ANKRD30A: variants seen among roughly 807,000 people sequenced by gnomAD.
The protein encoded by ANKRD30A is ankyrin repeat domain-containing protein 30A.
Under a neutral mutation model 166.3 loss-of-function variants are expected in ANKRD30A, and 170 were observed. The ratio of observed to expected loss-of-function variants is 1.02; its 90% CI spans 0.90 to 1.16. ANKRD30A has a LOEUF of 1.16. ANKRD30A is among the 50% of genes most tolerant of loss of function. The probability of loss-of-function intolerance (pLI) is 0.00; values close to 1 mark genes in which losing one functional copy is unlikely to be tolerated. For missense variants in ANKRD30A, 1,630 were observed against 1,518.0 expected (o/e 1.07, Z -1.23); for synonymous variants, 564 against 508.9 (o/e 1.11, Z -1.46).
At chr10:37,132,211 G>T (rs1302527449) in intron 3 of ANKRD30A, 29 bp from the exon 4 acceptor site, 6 of 1,451,096 alleles carry the variant, frequency 4.1e-6, no homozygotes, top group Non-Finnish European at 5.7e-6. Flanking sequence ...GTAATTTCAT[G>T]AATTATAAAT....
At chr10:37,222,198 G>T (rs941507777) in intron 34 of ANKRD30A, among the ~76,000 whole-genome samples, 2 of 151,144 alleles carry the variant, frequency 1.3e-5, no homozygotes, top group African/African-American at 4.8e-5. Context: ...GTCATTTTCA[G>T]AACATTTTCA....
At chr10:37,264,336 T>C in the ANKRD30A span, among the ~76,000 whole-genome samples, 1 of 152,184 alleles carries the variant, frequency 6.6e-6, no homozygotes, top group East Asian at 1.9e-4. Flanking sequence ...GGGACACTCA[T>C]TACTTGAAGT....
chr10:37,144,211 A>G (rs1588775883), intron 7 of ANKRD30A, among the ~76,000 whole-genome samples: 1 of 152,240 alleles, frequency 6.6e-6, no homozygotes, highest in East Asian at 1.9e-4. Flanking sequence ...TATTTCTGTT[A>G]TATATTTGTT....
Position 37,219,426 on chromosome 10 carries a change from T to C in ANKRD30A, c.3714T>C (p.Asp1238=), listed in dbSNP as rs878948199. ...DACLQRKMNV[D]VSSTIYNNEV... is the part of the protein sequence containing the mutation. The stretch of plus-strand genomic sequence containing the variant: ...GTTTGCAAAGAAAAATGAATGTTGA[T>C]GTGAGTAGTACGATATATAACAATG... Residue 1238 remains aspartate (D), a synonymous_variant, in exon 34 of 36, where the codon GAT becomes GAC. Transcript: ENST00000361713. The C allele has an allele frequency of 1.9e-6, 3 of 1,610,508 alleles. No homozygotes were observed. Among genetic ancestry groups the C allele is most frequent in the Non-Finnish European group, 2.5e-6 (3 of 1,177,740 alleles).
At position 37,142,226 on chromosome 10, in the gene ANKRD30A, A is replaced by G. The variant is rs765335756; in HGVS notation, c.1329A>G (p.Glu443=). 1 of 1,608,406 alleles carries G rather than the reference A, an allele frequency of 6.2e-7. No homozygotes were observed. The highest frequency in any genetic ancestry group is 1.7e-5 in the Admixed American group (1 of 58,596). ...CATCTAATAAAACTAAAGTTTTGGAAAAAGGAAGATCTAAGATGATTGCAT... is the reference window on the plus strand; with the variant it reads ...CATCTAATAAAACTAAAGTTTTGGAGAAAGGAAGATCTAAGATGATTGCAT... ...RVTSNKTKVL[E]KGRSKMIACP... The change falls in exon 7 of 36, where the codon GAA becomes GAG. Residue 443 remains glutamate (E), a synonymous_variant. Transcript: ENST00000361713.
At chr10:37,217,079 GT>G (rs1842641061) in intron 32 of ANKRD30A, among the ~76,000 whole-genome samples, 1 of 150,694 alleles carries the variant, frequency 6.6e-6, no homozygotes, top group Non-Finnish European at 1.5e-5. Flanking sequence ...ATTCTGTCTT[GT>G]TCTAAAAGAG....
intron 4 of ANKRD30A, 37 bp downstream of exon 4, chr10:37,132,383 T>C: frequency 5.5e-6 from 7 of 1,275,592 alleles, no homozygotes; most frequent in Non-Finnish European, 7.7e-6. Flanking sequence ...AACACTTGAG[T>C]AGTGTTCTAG....
intron 15 of ANKRD30A, among the ~76,000 whole-genome samples, chr10:37,159,049 T>G (rs1838618552): frequency 6.6e-6 from 1 of 152,172 alleles, no homozygotes; most frequent in Non-Finnish European, 1.5e-5. Context: ...CTTTTAATTT[T>G]AAAAAATCAG....
At position 37,199,640 on chromosome 10, in the gene ANKRD30A, C is replaced by G. The variant is rs962014888; in HGVS notation, c.2717-87C>G. 4.9e-6 allele frequency: 4 copies of G among 822,678 alleles called. No homozygotes were observed. The African/African-American group carries it at 7.1e-5, about 15-fold the overall frequency. The allele number at this position is 822,678 out of a possible 1,614,324, so 51.0% of individuals were successfully genotyped here. A position where few individuals can be genotyped will look rare whatever the true frequency, so the allele number is the denominator to read the frequency against. ...GGCTACAGAGGAGGAACCACAGATT[C>G]GTGAATGAAAGTAGATTTGTATATG... On this transcript the variant is annotated intron_variant, in intron 29 of 35. Transcript: ENST00000361713.
intron 18 of ANKRD30A, among the ~76,000 whole-genome samples, chr10:37,165,990 C>T (rs1471169648): frequency 6.6e-6 from 1 of 152,024 alleles, no homozygotes; most frequent in Non-Finnish European, 1.5e-5. Context: ...TGTGACATAA[C>T]TTTTTTCTTA....
chr10:37,263,116 G>A, the ANKRD30A span, among the ~76,000 whole-genome samples: 1 of 151,302 alleles, frequency 6.6e-6, no homozygotes, highest in African/African-American at 2.4e-5. Context: ...GTTATTTTCA[G>A]CATTTAAAGA....
chr10:37,211,773 C>T (rs1588934942), intron 31 of ANKRD30A, among the ~76,000 whole-genome samples: 1 of 152,226 alleles, frequency 6.6e-6, no homozygotes, highest in Non-Finnish European at 1.5e-5. Context: ...ATTCCTATTT[C>T]TCTACATCCT....
At chr10:37,153,342 A>C (rs1165049740) in intron 12 of ANKRD30A, among the ~76,000 whole-genome samples, 1 of 152,178 alleles carries the variant, frequency 6.6e-6, no homozygotes, top group Non-Finnish European at 1.5e-5. Flanking sequence ...TTTCCTGCTC[A>C]GTCACTGAGT....
Position 37,193,179 on chromosome 10 carries a change from C to T in ANKRD30A, c.2542-7C>T, listed in dbSNP as rs371149957. On this transcript the variant is annotated splice_region_variant and splice_polypyrimidine_tract_variant and intron_variant, in intron 26 of 35. Coordinates refer to ENST00000361713, the MANE Select transcript of ANKRD30A (RefSeq NM_052997.3). The stretch of plus-strand genomic sequence containing the variant: ...ATATTAATTGTTTTGTTTCTAAACC[C>T]ATTTAGGCTCCCTGCAGAATGAAAG... 6.2e-7 allele frequency: 1 copy of T among 1,611,662 alleles called. No homozygotes were observed. The highest frequency in any genetic ancestry group is 1.3e-5 in the African/African-American group (1 of 74,672).
At chr10:37,146,181 T>C (rs1460033628) in intron 8 of ANKRD30A, among the ~76,000 whole-genome samples, 1 of 149,658 alleles carries the variant, frequency 6.7e-6, no homozygotes. Context: ...TTTCTAATAC[T>C]TGATTGCTTT....
the ANKRD30A span, among the ~76,000 whole-genome samples, chr10:37,257,013 A>G: frequency 6.6e-6 from 1 of 151,756 alleles, no homozygotes; most frequent in Non-Finnish European, 1.5e-5. Flanking sequence ...CTATGAATCC[A>G]TCTGGTCCTG....
intron 32 of ANKRD30A, 22 bp downstream of exon 32, chr10:37,216,416 T>C: frequency 1.3e-6 from 2 of 1,562,174 alleles, no homozygotes; most frequent in Non-Finnish European, 8.7e-7. Flanking sequence ...TAGTTTTAAA[T>C]AAATATTTCA....
In ANKRD30A at chr10:37,141,731, A is replaced by G; in HGVS notation, c.834A>G (p.Ala278=). The change falls in exon 7 of 36, where the codon GCA becomes GCG. Residue 278 remains alanine, a synonymous_variant. Coordinates refer to ENST00000361713, the MANE Select transcript of ANKRD30A (RefSeq NM_052997.3). The part of the protein sequence containing the change: ...HQNTNPEGTS[A]GTPDEAAPLA... Reference sequence around the variant, plus strand: ...TGTGTTTGGCAGAAGGAACATCTGCAGGAACACCTGATGAGGCTGCACCCT... The same window carrying G: ...TGTGTTTGGCAGAAGGAACATCTGCGGGAACACCTGATGAGGCTGCACCCT... The G allele has an allele frequency of 6.2e-7, 1 of 1,612,036 alleles. No individual in the cohort carries two copies. The highest frequency in any genetic ancestry group is 8.5e-7 in the Non-Finnish European group (1 of 1,179,836).
At position 37,196,574 on chromosome 10, in the gene ANKRD30A, TAAC is replaced by T. The variant is rs912750604; in HGVS notation, c.2615-704_2615-702del. Among the ~76,000 whole-genome samples the T allele has an allele frequency of 1.5e-4, 23 of 152,314 alleles. No homozygotes were observed. The South Asian group carries it at 4.8e-3, about 32-fold the overall frequency. The stretch of plus-strand genomic sequence containing the variant: ...TTTTAAGATAAATATTGTGGTGACT[TAAC>T]AATTAAAAAAGTTATTTATGTTTAA... On this transcript the variant is annotated intron_variant, in intron 27 of 35. Transcript: ENST00000361713.
Sources: allele counts gnomAD v4.1 joint callset (sites outside exome capture counted in the v4.1 genomes callset), GRCh38; gene constraint gnomAD v4.1.1; transcripts MANE v1.5; gene names NCBI Gene and HGNC (gene_info 2026-07-23, HGNC 2026-07-21).